JMJD1C: variants seen among roughly 807,000 people sequenced by gnomAD.
JMJD1C encodes jumonji domain containing 1C.
A neutral mutation model predicts 245.3 loss-of-function variants in JMJD1C; 31 were observed. That is an observed-to-expected ratio of 0.13 (90% CI 0.09 to 0.17). JMJD1C has a LOEUF of 0.17. JMJD1C is among the 10% of genes least tolerant of loss of function. JMJD1C has a pLI of 1.00. For missense variants in JMJD1C, 2,691 were observed against 3,000.2 expected, an observed-to-expected ratio of 0.90 and a Z score of 2.41; for synonymous variants, 1,057 against 1,017.4, an observed-to-expected ratio of 1.04 and a Z score of -0.74.
chr10:63,208,046 A>G lies in JMJD1C; in HGVS notation c.3623T>C (p.Val1208Ala). ...GCTGTGATGGATTGGTGGGTGAAAT[A>G]CTGGTGCTCTATGTAATGCAGGCAT... ...RSMPALHRAPVFHPPIHHSLE... is the reference protein window; with the variant it reads ...RSMPALHRAPAFHPPIHHSLE... Residue 1208 changes from valine (V) to alanine (A), a missense_variant, in exon 10 of 26, where the codon GTA (valine) becomes GCA (alanine). Coordinates refer to ENST00000399262, the MANE Select transcript of JMJD1C (RefSeq NM_032776.3). 1 of 1,614,148 alleles carries G rather than the reference A, an allele frequency of 6.2e-7. No homozygotes were observed. Among genetic ancestry groups the G allele is most frequent in the Non-Finnish European group, 8.5e-7 (1 of 1,180,012 alleles).
At chr10:63,232,181 GT>G (rs879715030) in intron 3 of JMJD1C, among the ~76,000 whole-genome samples, 19 of 148,210 alleles carry the variant, frequency 1.3e-4, no homozygotes, top group South Asian at 8.5e-4. Flanking sequence ...TTCTTCTAAA[GT>G]TTTTTTTTTG....
chr10:63,378,376 G>A (rs559452644), intron 2 of JMJD1C, among the ~76,000 whole-genome samples: 2 of 152,092 alleles, frequency 1.3e-5, no homozygotes, highest in Non-Finnish European at 2.9e-5. Context: ...TGGATCACGA[G>A]GTCAGGAGAT....
chr10:63,380,514 C>A, intron 1 of JMJD1C, 32 bp from the exon 2 acceptor site: 2 of 1,560,816 alleles, frequency 1.3e-6, no homozygotes, highest in Non-Finnish European at 1.8e-6. Flanking sequence ...ATTCAATTAG[C>A]AAAATAGAAG....
chr10:63,345,665 G>C lies in JMJD1C; in HGVS notation c.333+34653C>G, dbSNP rs900926399. On this transcript the variant is annotated intron_variant, in intron 2 of 25. Transcript: ENST00000399262. ...GAAACTAGCCAGAGGTTAGGAGTAGGGAGACAACTACAAGGGGGCAGCACA... is the reference window on the plus strand; with the variant it reads ...GAAACTAGCCAGAGGTTAGGAGTAGCGAGACAACTACAAGGGGGCAGCACA... Among the ~76,000 whole-genome samples, 4 of 152,158 alleles carry C rather than the reference G, an allele frequency of 2.6e-5. No homozygotes were observed. In the East Asian group the frequency reaches 7.7e-4, roughly 29 times the overall value.
chr10:63,447,789 A>G (rs1951802201), intron 1 of JMJD1C, among the ~76,000 whole-genome samples: 1 of 152,008 alleles, frequency 6.6e-6, no homozygotes, highest in African/African-American at 2.4e-5. Context: ...AAATAAAAAA[A>G]TCAGCTGGGT....
At chr10:63,184,432 C>T (rs1843871654) in intron 21 of JMJD1C, among the ~76,000 whole-genome samples, 176 bp downstream of exon 21, 1 of 151,954 alleles carries the variant, frequency 6.6e-6, no homozygotes, top group Non-Finnish European at 1.5e-5. Context: ...TTAGTAGAGA[C>T]AGGGTTTCAC....
intron 1 of JMJD1C, among the ~76,000 whole-genome samples, chr10:63,422,677 G>A (rs1950192167): frequency 6.6e-6 from 1 of 152,074 alleles, no homozygotes; most frequent in African/African-American, 2.4e-5. Context: ...AGAGCATGAG[G>A]GCAATAATAT....
intron 3 of JMJD1C, among the ~76,000 whole-genome samples, chr10:63,236,257 G>T (rs1458801079): frequency 1.3e-5 from 2 of 152,036 alleles, no homozygotes; most frequent in Non-Finnish European, 2.9e-5. Context: ...ATATTCCCTT[G>T]AATAAACTTG....
rs74137756 is a variant in JMJD1C at position 63,427,548 on chromosome 10, T to C, written c.168+37947A>G. 9.8e-3 allele frequency: 13,662 copies of C among 1,399,206 alleles called. 440 individuals carry two copies. In the African/African-American group the frequency reaches 0.1, roughly 11 times the overall value. The allele number at this position is 1,399,206 out of a possible 1,614,324, so 86.7% of individuals were successfully genotyped here. A position where few individuals can be genotyped will look rare whatever the true frequency, so the allele number is the denominator to read the frequency against. ...ATTCAGTGTACATCCTGGAGGACTCTATTGTGGACCCACAGAATCAGACCA... is the reference window on the plus strand; with the variant it reads ...ATTCAGTGTACATCCTGGAGGACTCCATTGTGGACCCACAGAATCAGACCA... On this transcript the variant is annotated intron_variant, in intron 1 of 25. Coordinates refer to ENST00000399262, the MANE Select transcript of JMJD1C (RefSeq NM_032776.3).
At position 63,517,470 on chromosome 10, in the gene JMJD1C, G is replaced by A. The variant is rs562229254; in HGVS notation, n.113+4268C>T. Among the ~76,000 whole-genome samples, 42 of 152,196 alleles carry A rather than the reference G, an allele frequency of 2.8e-4. No homozygotes were observed. The South Asian group carries it at 6.4e-3, about 23-fold the overall frequency. Reference sequence around the variant, plus strand: ...GTGATTTACCAAACATCCTATTACCGGTAGTAGAACTAGGTCTCCTGTGAG... The same window carrying A: ...GTGATTTACCAAACATCCTATTACCAGTAGTAGAACTAGGTCTCCTGTGAG... On this transcript the variant is annotated intron_variant and non_coding_transcript_variant, in intron 1 of 3. Coordinates refer to the JMJD1C transcript ENST00000633035.
chr10:63,384,784 T>C (rs549360753), intron 1 of JMJD1C, among the ~76,000 whole-genome samples: 1 of 152,348 alleles, frequency 6.6e-6, no homozygotes, highest in South Asian at 2.1e-4. Flanking sequence ...GGCCTGTCCA[T>C]AAGGCTTCTC....
rs1350992374 is a variant in JMJD1C at position 63,208,613 on chromosome 10, T to C, written c.3056A>G (p.Lys1019Arg). ...TTGAAGAATTCGACGGTGTTCCTCT[T>C]TGTATTTGTTTAACCTCTCTCCAGT... ...QETGERLNKY[K>R]EEHRRILQES... The change falls in exon 10 of 26, where the codon AAA becomes AGA. Residue 1019 changes from lysine to arginine, a missense_variant. By Grantham distance (26) the Lys-to-Arg change is conservative (BLOSUM62 2). This residue lies in a region of JMJD1C where 1,562 missense variants were observed against 1,490.7 expected (regional missense o/e 1.05). Transcript: ENST00000399262. 6.2e-7 allele frequency: 1 copy of C among 1,614,030 alleles called. No homozygotes were observed. The highest frequency in any genetic ancestry group is 8.5e-7 in the Non-Finnish European group (1 of 1,179,924).
chr10:63,306,529 T>C (rs1225447980), intron 2 of JMJD1C, among the ~76,000 whole-genome samples: 1 of 152,160 alleles, frequency 6.6e-6, no homozygotes, highest in Non-Finnish European at 1.5e-5. Flanking sequence ...ACCAGATTTA[T>C]AAAAGAAAAA....
upstream of JMJD1C, chr10:63,466,638 C>T (rs1290708050): frequency 2.0e-5 from 3 of 152,224 alleles, no homozygotes; most frequent in Admixed American, 6.5e-5. Context: ...ATTTCACAAA[C>T]CGTGTCTGCG....
intron 3 of JMJD1C, among the ~76,000 whole-genome samples, chr10:63,252,375 C>T (rs1288498186): frequency 6.6e-6 from 1 of 152,138 alleles, no homozygotes; most frequent in African/African-American, 2.4e-5. Context: ...AAGCAGATTA[C>T]CCCTAACACA....
At chr10:63,419,834 TAAAAAAAAA>T (rs34006135) in intron 1 of JMJD1C, among the ~76,000 whole-genome samples, 1 of 114,524 alleles carries the variant, frequency 8.7e-6, no homozygotes, top group African/African-American at 3.0e-5. Flanking sequence ...CTCCATGAAA[TAAAAAAAAA>T]AAAAAAAAAA....
At chr10:63,291,310 GAAAAAAAAAAAAAA>G in intron 2 of JMJD1C, among the ~76,000 whole-genome samples, 1 of 69,132 alleles carries the variant, frequency 1.4e-5, no homozygotes, top group South Asian at 5.8e-4. Context: ...GTCTGTCTCA[GAAAAAAAAAAAAAA>G]AAAAAAAAAG....
At chr10:63,384,601 A>T (rs1409982860) in intron 1 of JMJD1C, among the ~76,000 whole-genome samples, 1 of 152,170 alleles carries the variant, frequency 6.6e-6, no homozygotes, top group East Asian at 1.9e-4. Flanking sequence ...AAATATTTAG[A>T]AAAACCTACT....
At chr10:63,375,862 A>G (rs2134463196) in intron 2 of JMJD1C, among the ~76,000 whole-genome samples, 1 of 152,160 alleles carries the variant, frequency 6.6e-6, no homozygotes. Flanking sequence ...GATGTCTACC[A>G]CCCAGATCCA....
Sources: gnomAD v4.1 joint callset for allele counts (sites outside exome capture counted in the v4.1 genomes callset) on GRCh38, gnomAD v4.1.1 for gene constraint, gnomAD v4.1.1 regional missense constraint, MANE v1.5 for transcripts, NCBI Gene and HGNC (gene_info 2026-07-23, HGNC 2026-07-21) for gene names.